GDPD1: variants seen among roughly 807,000 people sequenced by gnomAD.
GDPD1 encodes glycerophosphodiester phosphodiesterase domain containing 1, also known as lysophospholipase D GDPD1.
In GDPD1, 28 loss-of-function variants were observed where a neutral mutation model predicts 45.1. That is an observed-to-expected ratio of 0.62 (90% CI 0.46 to 0.85). The LOEUF is 0.85. Ranked by LOEUF, GDPD1 falls within the 40% of genes least tolerant of loss-of-function variation. The pLI is 0.00. For missense variants in GDPD1, 256 were observed against 364.8 expected (o/e 0.70, Z 2.43); for synonymous variants, 139 against 131.4 (o/e 1.06, Z -0.40).
intron 4 of GDPD1, among the ~76,000 whole-genome samples, chr17:59,251,562 A>C (rs1312387027): frequency 6.6e-6 from 1 of 152,016 alleles, no homozygotes; most frequent in Non-Finnish European, 1.5e-5. Flanking sequence ...AAAGAACAAC[A>C]CTGTGTACTG....
At chr17:59,221,737 A>G (rs1420121108) in intron 1 of GDPD1, among the ~76,000 whole-genome samples, 1 of 152,138 alleles carries the variant, frequency 6.6e-6, no homozygotes, top group Non-Finnish European at 1.5e-5. Flanking sequence ...ATCAATTTTA[A>G]CTGTTCTTTA....
At chr17:59,241,617 C>T (rs1168263480) in intron 2 of GDPD1, among the ~76,000 whole-genome samples, 2 of 151,844 alleles carry the variant, frequency 1.3e-5, no homozygotes, top group Admixed American at 6.6e-5. Context: ...CGTGCCCAGC[C>T]TCTGAGCATC....
chr17:59,227,029 A>T (rs181358722), intron 1 of GDPD1, among the ~76,000 whole-genome samples: 137 of 152,208 alleles, frequency 9.0e-4, no homozygotes, highest in African/African-American at 3.2e-3. Context: ...TCTTTCTATT[A>T]AGAAGAAATT....
At chr17:59,255,826 T>TACAC (rs1259604908) in intron 4 of GDPD1, among the ~76,000 whole-genome samples, 1 of 66,178 alleles carries the variant, frequency 1.5e-5, no homozygotes, top group African/African-American at 1.0e-4. Context: ...TATATATATA[T>TACAC]ACGCGTATAT....
chr17:59,236,499 GTTGT>G (rs1555721987), intron 2 of GDPD1, among the ~76,000 whole-genome samples: 5 of 151,644 alleles, frequency 3.3e-5, no homozygotes, highest in African/African-American at 7.3e-5. Flanking sequence ...TGTTGTTGTT[GTTGT>G]TTGTTTGTTT....
chr17:59,220,810 G>A (rs2046998031), intron 1 of GDPD1, 59 bp downstream of exon 1: 1 of 1,579,870 alleles, frequency 6.3e-7, no homozygotes, highest in Non-Finnish European at 8.6e-7. Flanking sequence ...GTCCTTTGCG[G>A]CTCCGCAAAA....
At chr17:59,245,071 A>C (rs2047200380) in intron 2 of GDPD1, among the ~76,000 whole-genome samples, 1 of 152,226 alleles carries the variant, frequency 6.6e-6, no homozygotes, top group Non-Finnish European at 1.5e-5. Flanking sequence ...ATAGAAGTGA[A>C]AATGTAGTCC....
intron 7 of GDPD1, among the ~76,000 whole-genome samples, chr17:59,270,382 C>CGGG (rs11412206): frequency 6.1e-5 from 9 of 147,128 alleles, no homozygotes; most frequent in African/African-American, 2.3e-4. Context: ...TTAGTAGAGA[C>CGGG]GGGGGGGGGT....
At chr17:59,266,387 CA>C (rs540974713) in intron 6 of GDPD1, among the ~76,000 whole-genome samples, 3,931 of 64,804 alleles carry the variant, frequency 0.061, 114 homozygotes, top group African/African-American at 0.15. Context: ...GACTCCGTCT[CA>C]AAAAAAAAAA....
chr17:59,246,781 A>T (rs1211720550), intron 3 of GDPD1, among the ~76,000 whole-genome samples: 2 of 150,962 alleles, frequency 1.3e-5, no homozygotes, highest in Admixed American at 6.6e-5. Context: ...AACATAAGAG[A>T]TAAACATTTT....
At position 59,220,588 on chromosome 17, in the gene GDPD1, G is replaced by T. The variant is rs1045525220; in HGVS notation, c.-22G>T. On this transcript the variant is annotated 5_prime_UTR_variant, in exon 1 of 10. Coordinates refer to ENST00000284116, the MANE Select transcript of GDPD1 (RefSeq NM_182569.4). ...GAGTTCAGAGGGCCCGGAGGTGGGA[G>T]ACTTCCCACACGGTGACTGAGATGT... The T allele has an allele frequency of 1.2e-6, 2 of 1,610,202 alleles. No homozygotes were observed. The highest frequency in any genetic ancestry group is 2.2e-5 in the East Asian group (1 of 44,730).
At chr17:59,256,642 T>C (rs117467343) in intron 4 of GDPD1, among the ~76,000 whole-genome samples, 4,123 of 152,260 alleles carry the variant, frequency 0.027, 93 homozygotes, top group Non-Finnish European at 0.039. Flanking sequence ...TTTAAAAAAT[T>C]ATGATAGAAT....
intron 9 of GDPD1, 82 bp downstream of exon 9, chr17:59,272,918 G>T (rs2047454653): frequency 6.2e-7 from 1 of 1,610,684 alleles, no homozygotes; most frequent in South Asian, 1.1e-5. Flanking sequence ...ACTTTTAACT[G>T]ACTTAGTTTG....
chr17:59,262,719 C>A (rs1224698855), intron 6 of GDPD1, among the ~76,000 whole-genome samples: 1 of 150,560 alleles, frequency 6.6e-6, no homozygotes, highest in Non-Finnish European at 1.5e-5. Flanking sequence ...CCTCCGCCTT[C>A]CGGGTTCAAG....
At chr17:59,243,794 G>A (rs1379296765) in intron 2 of GDPD1, among the ~76,000 whole-genome samples, 1 of 152,184 alleles carries the variant, frequency 6.6e-6, no homozygotes, top group Admixed American at 6.5e-5. Flanking sequence ...GGTGCCAACT[G>A]AGTTGGAATT....
intron 2 of GDPD1, among the ~76,000 whole-genome samples, chr17:59,244,447 T>C (rs2047196537): frequency 6.6e-6 from 1 of 152,120 alleles, no homozygotes; most frequent in African/African-American, 2.4e-5. Context: ...CTACCCGCCT[T>C]GGCCTCCCAA....
chr17:59,259,358 G>C (rs546232833), intron 6 of GDPD1, among the ~76,000 whole-genome samples: 1 of 151,706 alleles, frequency 6.6e-6, no homozygotes, highest in East Asian at 2.0e-4. Flanking sequence ...ACGAGGTTGG[G>C]AGATTGAGAC....
intron 3 of GDPD1, among the ~76,000 whole-genome samples, chr17:59,246,001 T>G (rs1050024290): frequency 2.0e-5 from 3 of 151,744 alleles, no homozygotes; most frequent in Admixed American, 2.0e-4. Context: ...GCCCCTGTAA[T>G]CCCAGCTACT....
intron 8 of GDPD1, among the ~76,000 whole-genome samples, chr17:59,271,514 G>A (rs771610788): frequency 1.3e-5 from 2 of 152,020 alleles, no homozygotes; most frequent in Non-Finnish European, 2.9e-5. Flanking sequence ...CTAAATAATT[G>A]TACTATATTT....
Sources: gnomAD v4.1 joint callset for allele counts (sites outside exome capture counted in the v4.1 genomes callset) on GRCh38, gnomAD v4.1.1 for gene constraint, MANE v1.5 for transcripts, NCBI Gene and HGNC (gene_info 2026-07-23, HGNC 2026-07-21) for gene names.